Variants in ECPAS observed in about 807,000 individuals in gnomAD.
ECPAS encodes Ecm29 proteasome adaptor and scaffold.
ECPAS carries 70 observed loss-of-function variants against 255.1 expected under a neutral mutation model. That is an observed-to-expected ratio of 0.27 (90% CI 0.23 to 0.33). ECPAS has a LOEUF of 0.33. Ranked by LOEUF, ECPAS falls within the 10% of genes least tolerant of loss-of-function variation. The pLI, the probability that ECPAS is intolerant of heterozygous loss-of-function variation, is 1.00. For synonymous variants in ECPAS, 784 were observed against 775.0 expected (o/e 1.01, Z -0.19); for missense variants, 1,817 against 2,206.4 (o/e 0.82, Z 3.54).
At position 111,482,275 on chromosome 9, in the gene ECPAS, G is replaced by C. The variant is rs796664578; in HGVS notation, c.-83+1841C>G. Among the ~76,000 whole-genome samples, 12 of 152,266 alleles carry C rather than the reference G, an allele frequency of 7.9e-5. 1 individual carries two copies. Among genetic ancestry groups the C allele is most frequent in the African/African-American group, 2.9e-4 (12 of 41,552 alleles). ...TCCAATCTGCTCAGGATCACACCAA[G>C]TGTTTACTTCAGCTTCAAAAAAAGC... On this transcript the variant is annotated intron_variant, in intron 1 of 49. Coordinates refer to ENST00000684092, the MANE Select transcript of ECPAS (RefSeq NM_001364929.1).
intron 31 of ECPAS, among the ~76,000 whole-genome samples, chr9:111,389,300 A>C (rs971775912): frequency 1.3e-5 from 2 of 152,258 alleles, no homozygotes; most frequent in Non-Finnish European, 2.9e-5. Context: ...CATTTGTGTG[A>C]ATACATAATC....
intron 42 of ECPAS, among the ~76,000 whole-genome samples, chr9:111,372,226 G>C (rs1342726731): frequency 1.3e-5 from 2 of 152,196 alleles, no homozygotes; most frequent in Admixed American, 1.3e-4. Flanking sequence ...CAAAAATCCT[G>C]AGTGCCAACC....
At position 111,447,133 on chromosome 9, in the gene ECPAS, T is replaced by C. The variant is rs188015115; in HGVS notation, c.154-2639A>G. On this transcript the variant is annotated intron_variant, in intron 3 of 49. Coordinates refer to ENST00000684092, the MANE Select transcript of ECPAS (RefSeq NM_001364929.1). ...TTAATAATAAATTTATTTTGATTTTTTTTTTTTCCGAGACAGGGTCTCACT... is the reference window on the plus strand; with the variant it reads ...TTAATAATAAATTTATTTTGATTTTCTTTTTTTCCGAGACAGGGTCTCACT... 2.9e-4 allele frequency among the ~76,000 whole-genome samples: 44 copies of C among 152,146 alleles called. 1 individual carries two copies. In the East Asian group the frequency reaches 8.1e-3, roughly 28 times the overall value.
intron 39 of ECPAS, among the ~76,000 whole-genome samples, chr9:111,373,666 C>G (rs754986937): frequency 2.6e-4 from 39 of 152,160 alleles, no homozygotes; most frequent in Non-Finnish European, 4.4e-4. Flanking sequence ...AGAAGCCAAT[C>G]TAAGAAGAGA....
intron 20 of ECPAS, 36 bp downstream of exon 20, chr9:111,413,859 G>T (rs1429597796): frequency 1.5e-6 from 2 of 1,308,312 alleles, no homozygotes; most frequent in Non-Finnish European, 2.1e-6. Context: ...GTCTGAAATA[G>T]AATTTTTTTT....
intron 24 of ECPAS, among the ~76,000 whole-genome samples, chr9:111,406,923 A>T (rs1466441886): frequency 1.3e-5 from 2 of 149,022 alleles, no homozygotes; most frequent in Non-Finnish European, 2.9e-5. Context: ...GAAACCAAAA[A>T]AACCTTCAGC....
chr9:111,397,321 G>C (rs945913577), intron 24 of ECPAS, among the ~76,000 whole-genome samples, 168 bp from the exon 25 acceptor site: 7 of 152,216 alleles, frequency 4.6e-5, no homozygotes, highest in African/African-American at 9.6e-5. Context: ...GGATGGTGAG[G>C]GAGTGGAGGA....
chr9:111,484,301 C>T lies in ECPAS; in HGVS notation c.-268G>A, dbSNP rs1337509345. The stretch of plus-strand genomic sequence containing the variant: ...AAATCCTCGAGGCGGGGCCGGAGCG[C>T]CCTTTTCCGAGGTCTGCGGCTGTCA... On this transcript the variant is annotated 5_prime_UTR_variant, in exon 1 of 50. Transcript: ENST00000684092. The T allele has an allele frequency of 6.4e-7, 1 of 1,562,156 alleles. No individual in the cohort carries two copies. Among genetic ancestry groups the T allele is most frequent in the South Asian group, 1.2e-5 (1 of 85,034 alleles).
intron 13 of ECPAS, 62 bp downstream of exon 13, chr9:111,423,137 T>G (rs1328958285): frequency 3.7e-6 from 4 of 1,091,594 alleles, no homozygotes; most frequent in East Asian, 2.6e-5. Context: ...CATTATTAAA[T>G]GCCACATAAT....
At position 111,425,423 on chromosome 9, in the gene ECPAS, T is replaced by G. The variant is rs192635402; in HGVS notation, c.1210A>C (p.Lys404Gln). ...NGLTKLINEY[K>Q]EDPKLLSMAY... is the part of the protein sequence containing the mutation. ...TTAAAAGACAAGTCACTTACCTCTTTGTATTCATTGATTAGCTTGGTGAGG... is the reference window on the plus strand; with the variant it reads ...TTAAAAGACAAGTCACTTACCTCTTGGTATTCATTGATTAGCTTGGTGAGG... The change falls in exon 12 of 50, where the codon AAA (lysine) becomes CAA (glutamine). Residue 404 changes from lysine (K) to glutamine (Q), a missense_variant. Physicochemically the swap from Lys to Gln is moderately conservative, Grantham distance 53 (BLOSUM62 1). This residue lies in a region of ECPAS where 573 missense variants were observed against 716.2 expected (regional missense o/e 0.80). Coordinates refer to ENST00000684092, the MANE Select transcript of ECPAS (RefSeq NM_001364929.1). 3.1e-5 allele frequency: 49 copies of G among 1,581,530 alleles called. No individual in the cohort carries two copies. In the East Asian group the frequency reaches 7.5e-4, roughly 24 times the overall value.
chr9:111,474,355 A>T (rs2098293475), intron 1 of ECPAS, among the ~76,000 whole-genome samples: 1 of 152,124 alleles, frequency 6.6e-6, no homozygotes, highest in Non-Finnish European at 1.5e-5. Flanking sequence ...CTTCTTCAAC[A>T]ACCCTCATCT....
chr9:111,381,650 G>A (rs749867426), intron 35 of ECPAS, among the ~76,000 whole-genome samples: 21 of 152,180 alleles, frequency 1.4e-4, no homozygotes, highest in Non-Finnish European at 2.9e-5. Flanking sequence ...ACGTGTGACT[G>A]CATTTGAAAG....
chr9:111,450,131 C>A (rs1432839461), intron 3 of ECPAS, among the ~76,000 whole-genome samples: 1 of 152,120 alleles, frequency 6.6e-6, no homozygotes, highest in African/African-American at 2.4e-5. Context: ...GTGTTGTCAT[C>A]ATTCATCACC....
At chr9:111,451,350 G>A in intron 3 of ECPAS, 75 bp downstream of exon 3, 2 of 1,407,556 alleles carry the variant, frequency 1.4e-6, no homozygotes, top group Non-Finnish European at 1.9e-6. Context: ...TCAATAATGG[G>A]AACAGAAAAC....
chr9:111,457,048 C>T (rs1183324071), intron 2 of ECPAS, among the ~76,000 whole-genome samples: 1 of 152,148 alleles, frequency 6.6e-6, no homozygotes, highest in Non-Finnish European at 1.5e-5. Context: ...GAAAGATTTT[C>T]CTAGGAGACA....
chr9:111,408,232 A>T (rs2098188236), intron 24 of ECPAS, among the ~76,000 whole-genome samples: 1 of 152,196 alleles, frequency 6.6e-6, no homozygotes, highest in African/African-American at 2.4e-5. Flanking sequence ...AGACTTGAAA[A>T]CAACTGAAAT....
In ECPAS at chr9:111,370,711, A is replaced by G; in HGVS notation, c.4781+11T>C. The G allele has an allele frequency of 1.2e-6, 2 of 1,607,552 alleles. No individual in the cohort carries two copies. The highest frequency in any genetic ancestry group is 1.7e-6 in the Non-Finnish European group (2 of 1,176,904). On this transcript the variant is annotated intron_variant, in intron 44 of 49. Transcript: ENST00000684092. ...TTTAAGAAATGGCATCTTCATTGAA[A>G]GAACATTTACCTGCAAGCTGTCACC...
intron 27 of ECPAS, among the ~76,000 whole-genome samples, 193 bp from the exon 28 acceptor site, chr9:111,393,075 T>A (rs1386126236): frequency 2.6e-5 from 4 of 152,212 alleles, no homozygotes; most frequent in Admixed American, 2.6e-4. Flanking sequence ...CACAAGTTAC[T>A]GTAAATGAGA....
At chr9:111,412,261 A>C (rs2098195856) in intron 20 of ECPAS, 113 bp from the exon 21 acceptor site, 16 of 905,080 alleles carry the variant, frequency 1.8e-5, no homozygotes, top group Non-Finnish European at 2.1e-5. Context: ...ATTGAGAAAA[A>C]AACAAGCCAT....
Sources: gnomAD v4.1 joint callset for allele counts (sites outside exome capture counted in the v4.1 genomes callset) on GRCh38, gnomAD v4.1.1 for gene constraint, gnomAD v4.1.1 regional missense constraint, MANE v1.5 for transcripts, NCBI Gene and HGNC (gene_info 2026-07-23, HGNC 2026-07-21) for gene names.